Variants in TAOK3 observed in about 807,000 individuals in gnomAD.
TAOK3 encodes the protein serine/threonine-protein kinase TAO3.
In TAOK3, 40 loss-of-function variants were observed where a neutral mutation model predicts 120.4. The ratio of observed to expected loss-of-function variants is 0.33; its 90% confidence interval spans 0.26 to 0.43. The LOEUF (loss-of-function observed/expected upper bound fraction) is 0.43, where lower values mean the gene tolerates loss of function less well. Among genes scored for constraint, TAOK3 ranks in the 20% least tolerant of loss-of-function variants. The pLI is 1.00. For missense variants in TAOK3, 821 were observed against 1,112.1 expected (o/e 0.74, Z 3.72); for synonymous variants, 355 against 387.5 (o/e 0.92, Z 0.99).
At chr12:118,201,606 G>A in intron 11 of TAOK3, 143 bp from the exon 12 acceptor site, 3 of 731,198 alleles carry the variant, frequency 4.1e-6, no homozygotes, top group East Asian at 2.9e-5. Flanking sequence ...CATGTCATGT[G>A]TCCTTCCATA....
chr12:118,369,809 G>C (rs993818540), intron 1 of TAOK3, among the ~76,000 whole-genome samples: 1 of 152,050 alleles, frequency 6.6e-6, no homozygotes, highest in Non-Finnish European at 1.5e-5. Context: ...TTTTAAATCT[G>C]TATTTGCTGT....
chr12:118,201,214 A>T lies in TAOK3; in HGVS notation c.987+82T>A, dbSNP rs189669531. 29 of 1,317,876 alleles carry T rather than the reference A, an allele frequency of 2.2e-5. No individual in the cohort carries two copies. In the East Asian group the frequency reaches 6.3e-4, roughly 28 times the overall value. The allele number at this position is 1,317,876 out of a possible 1,614,324, so 81.6% of individuals were successfully genotyped here. A position where few individuals can be genotyped will look rare whatever the true frequency, so the allele number is the denominator to read the frequency against. The stretch of plus-strand genomic sequence containing the variant: ...CAGCATCAATTAATTTTTATCTTCA[A>T]AAGTTTTTCATAGTGCCCAGTCTAG... On this transcript the variant is annotated intron_variant, in intron 12 of 20. Coordinates refer to ENST00000392533, the MANE Select transcript of TAOK3 (RefSeq NM_016281.4).
At chr12:118,249,140 G>A (rs1394877879) in intron 3 of TAOK3, among the ~76,000 whole-genome samples, 1 of 152,124 alleles carries the variant, frequency 6.6e-6, no homozygotes, top group Non-Finnish European at 1.5e-5. Flanking sequence ...AATGGTCTCA[G>A]TAACTATTAC....
At chr12:118,248,912 G>A (rs2040630561) in intron 3 of TAOK3, among the ~76,000 whole-genome samples, 1 of 152,018 alleles carries the variant, frequency 6.6e-6, no homozygotes, top group African/African-American at 2.4e-5. Flanking sequence ...TAGTGCAAAT[G>A]TTAATTTTGC....
intron 1 of TAOK3, among the ~76,000 whole-genome samples, chr12:118,285,975 AT>A (rs1405193891): frequency 6.6e-6 from 1 of 152,188 alleles, no homozygotes; most frequent in African/African-American, 2.4e-5. Flanking sequence ...TAAGAGACTA[AT>A]GGTTGCATTC....
At chr12:118,347,703 CT>C (rs2044928627) in intron 1 of TAOK3, among the ~76,000 whole-genome samples, 1 of 152,178 alleles carries the variant, frequency 6.6e-6, no homozygotes, top group South Asian at 2.1e-4. Flanking sequence ...TGAGCTTCCC[CT>C]CTCTACCCTG....
rs530372175 is a variant in TAOK3, at chr12:118,309,578, C to T, written c.-193-42819G>A. 5.7e-4 allele frequency among the ~76,000 whole-genome samples: 86 copies of T among 151,688 alleles called. 1 individual carries two copies. The highest frequency in any genetic ancestry group is 2.0e-3 in the African/African-American group (81 of 41,360). Reference sequence around the variant, plus strand: ...TCCCCCAGGCTGGAGTGCAATGGCACGATCTTGGCTCACTGCAACCTCCGC... The same window carrying T: ...TCCCCCAGGCTGGAGTGCAATGGCATGATCTTGGCTCACTGCAACCTCCGC... On this transcript the variant is annotated intron_variant, in intron 1 of 20. Coordinates refer to ENST00000392533, the MANE Select transcript of TAOK3 (RefSeq NM_016281.4).
intron 1 of TAOK3, among the ~76,000 whole-genome samples, chr12:118,273,523 GA>G (rs1566047171): frequency 2.0e-5 from 3 of 150,616 alleles, no homozygotes; most frequent in Admixed American, 1.3e-4. Flanking sequence ...AAAAGAAAAA[GA>G]AAAAAATAGG....
At chr12:118,177,175 G>C (rs760878158) in intron 16 of TAOK3, 26 bp downstream of exon 16, 4 of 1,608,114 alleles carry the variant, frequency 2.5e-6, no homozygotes, top group Non-Finnish European at 3.4e-6. Flanking sequence ...TGGCAACTTG[G>C]TGAGAACAAA....
At chr12:118,195,216 C>A (rs1264570674) in intron 13 of TAOK3, among the ~76,000 whole-genome samples, 2 of 152,042 alleles carry the variant, frequency 1.3e-5, no homozygotes, top group Non-Finnish European at 2.9e-5. Context: ...GATTCAAGAA[C>A]AATGCTTTTA....
At chr12:118,300,388 A>G (rs145025306) in intron 1 of TAOK3, among the ~76,000 whole-genome samples, 33 of 152,336 alleles carry the variant, frequency 2.2e-4, no homozygotes, top group African/African-American at 7.2e-4. Context: ...GAGAAAGTAA[A>G]TGTGAGCTGA....
chr12:118,192,703 T>C (rs2037495875), intron 13 of TAOK3, among the ~76,000 whole-genome samples: 2 of 152,368 alleles, frequency 1.3e-5, no homozygotes, highest in South Asian at 2.1e-4. Flanking sequence ...CTGTTGGTTA[T>C]ACTGCCCCTT....
intron 11 of TAOK3, among the ~76,000 whole-genome samples, chr12:118,202,138 TATAAA>T (rs1441438680): frequency 6.7e-6 from 1 of 149,338 alleles, no homozygotes; most frequent in Non-Finnish European, 1.5e-5. Flanking sequence ...TAAGACTATA[TATAAA>T]ATAAATATTA....
At chr12:118,176,642 C>T (rs980354956) in intron 16 of TAOK3, among the ~76,000 whole-genome samples, 2 of 151,612 alleles carry the variant, frequency 1.3e-5, no homozygotes, top group African/African-American at 4.9e-5. Context: ...CAAACTCTAC[C>T]CCAGAAAATC....
At chr12:118,271,480 T>G (rs1411012428) in intron 1 of TAOK3, among the ~76,000 whole-genome samples, 1 of 152,222 alleles carries the variant, frequency 6.6e-6, no homozygotes, top group Non-Finnish European at 1.5e-5. Flanking sequence ...TCAGCATGTT[T>G]TCAAATCCAA....
At chr12:118,163,169 T>C (rs2035333280) in intron 17 of TAOK3, among the ~76,000 whole-genome samples, 1 of 152,168 alleles carries the variant, frequency 6.6e-6, no homozygotes, top group African/African-American at 2.4e-5. Flanking sequence ...ACATATGTGG[T>C]AGTCATCTGC....
Position 118,161,642 on chromosome 12 carries a change from C to T in TAOK3, c.2139+146G>A. 1 of 1,090,144 alleles carries T rather than the reference C, an allele frequency of 9.2e-7. No individual in the cohort carries two copies. Among genetic ancestry groups the T allele is most frequent in the Non-Finnish European group, 1.3e-6 (1 of 750,736 alleles). 67.5% of individuals were successfully genotyped at this position (1,090,144 alleles called of 1,614,324 possible). ...TCCTTTTCAGGAGCTTAAATATAGA[C>T]TCTGTGCTTTGCAACTGGAGATTCT... On this transcript the variant is annotated intron_variant, in intron 18 of 20. Coordinates refer to ENST00000392533, the MANE Select transcript of TAOK3 (RefSeq NM_016281.4). This position sits in a 1 kb window ranked among gnomAD's most constrained non-coding sequence, Gnocchi z 4.5.
At chr12:118,179,948 T>TA (rs1204297046) in intron 15 of TAOK3, among the ~76,000 whole-genome samples, 5 of 32,960 alleles carry the variant, frequency 1.5e-4, no homozygotes, top group Middle Eastern at 0.01. Flanking sequence ...GCCTGGCTGG[T>TA]TTTTTTTTTT....
At chr12:118,272,684 C>T (rs939529732) in intron 1 of TAOK3, among the ~76,000 whole-genome samples, 1 of 152,124 alleles carries the variant, frequency 6.6e-6, no homozygotes, top group South Asian at 2.1e-4. Context: ...AAATCCCAGA[C>T]TTCTGGCCAG....
Sources: allele counts gnomAD v4.1 joint callset (sites outside exome capture counted in the v4.1 genomes callset), GRCh38; gene constraint gnomAD v4.1.1; non-coding constraint Gnocchi (gnomAD v3.1); transcripts MANE v1.5; gene names NCBI Gene and HGNC (gene_info 2026-07-23, HGNC 2026-07-21).